The following CFAP263 variants were observed in gnomAD, a reference collection of about 807,000 sequenced individuals.
CFAP263 encodes cilia and flagella associated protein 263.
the CFAP263 span, chr16:58,280,589 G>A: frequency 2.5e-6 from 4 of 1,614,068 alleles, no homozygotes; most frequent in African/African-American, 1.3e-5. Flanking sequence ...AGTGAGGACA[G>A]GGGAGGGCCG....
chr16:58,269,310 G>T, the CFAP263 span, among the ~76,000 whole-genome samples: 6 of 151,686 alleles, frequency 4.0e-5, no homozygotes, highest in Admixed American at 6.6e-5. Flanking sequence ...CAGCCTCAGT[G>T]ACAGAGGGAG....
chr16:58,267,876 C>A, the CFAP263 span, among the ~76,000 whole-genome samples: 1 of 151,884 alleles, frequency 6.6e-6, no homozygotes, highest in Non-Finnish European at 1.5e-5. Context: ...CCATAAAGTA[C>A]AATATTCGAT....
chr16:58,263,615 G>C, the CFAP263 span, among the ~76,000 whole-genome samples: 12,984 of 152,212 alleles, frequency 0.085, 750 homozygotes, highest in East Asian at 0.13. Flanking sequence ...ATGTGAATAT[G>C]AATGTCTTTA....
At chr16:58,276,512 G>A in the CFAP263 span, among the ~76,000 whole-genome samples, 88,174 of 151,938 alleles carry the variant, frequency 0.58, 26,559 homozygotes, top group African/African-American at 0.73. Context: ...CAGTTGCATC[G>A]CTGCCCTCTA....
the CFAP263 span, chr16:58,258,415 AG>A: frequency 6.2e-6 from 10 of 1,614,054 alleles, no homozygotes; most frequent in Non-Finnish European, 8.5e-6. Context: ...TTTCGAGAGA[AG>A]TGCATGAGTT....
chr16:58,252,991 T>C, the CFAP263 span: 83 of 841,120 alleles, frequency 9.9e-5, 2 homozygotes, highest in South Asian at 1.3e-3. Flanking sequence ...TTGATTTTTC[T>C]TTGCCCTCTA....
At chr16:58,257,394 C>T in the CFAP263 span, among the ~76,000 whole-genome samples, 94 of 152,128 alleles carry the variant, frequency 6.2e-4, no homozygotes, top group East Asian at 0.015. Context: ...CATCTCTTTA[C>T]GTCAATACAT....
chr16:58,257,035 T>TTTTTTTTTTTA, the CFAP263 span, among the ~76,000 whole-genome samples: 1 of 81,286 alleles, frequency 1.2e-5, no homozygotes, highest in Admixed American at 1.4e-4. Flanking sequence ...TTTTTTTTTT[T>TTTTTTTTTTTA]GAGACGGAGT....
chr16:58,258,647 T>A, the CFAP263 span: 1 of 800,038 alleles, frequency 1.2e-6, no homozygotes, highest in Non-Finnish European at 2.0e-6. Context: ...ATATGCGGAT[T>A]TTCTTTGCAT....
the CFAP263 span, chr16:58,258,416 G>A: frequency 6.2e-7 from 1 of 1,614,068 alleles, no homozygotes; most frequent in Non-Finnish European, 8.5e-7. Flanking sequence ...TTCGAGAGAA[G>A]TGCATGAGTT....
At chr16:58,258,604 A>G in the CFAP263 span, 3 of 1,354,510 alleles carry the variant, frequency 2.2e-6, no homozygotes, top group Non-Finnish European at 3.1e-6. Flanking sequence ...GAAGCAGCCT[A>G]GCTCCCTTTG....
the CFAP263 span, among the ~76,000 whole-genome samples, chr16:58,277,127 T>A: frequency 3.9e-4 from 59 of 150,342 alleles, no homozygotes; most frequent in Middle Eastern, 6.8e-3. Context: ...AATGTTAAAA[T>A]TTTTTTTTAA....
the CFAP263 span, chr16:58,258,576 T>C: frequency 1.3e-6 from 2 of 1,554,020 alleles, no homozygotes; most frequent in African/African-American, 1.4e-5. Flanking sequence ...ACAGGGATGT[T>C]ATGGAAATCA....
At chr16:58,254,295 T>A in the CFAP263 span, 1 of 888,422 alleles carries the variant, frequency 1.1e-6, no homozygotes, top group Non-Finnish European at 1.7e-6. Flanking sequence ...ATCCAGGGCC[T>A]ATCTTCAAGG....
chr16:58,258,612 T>C, the CFAP263 span: 16 of 1,250,998 alleles, frequency 1.3e-5, no homozygotes, highest in East Asian at 3.3e-4. Context: ...CTAGCTCCCT[T>C]TGGTCCACCA....
At chr16:58,254,663 G>A in the CFAP263 span, among the ~76,000 whole-genome samples, 1 of 149,878 alleles carries the variant, frequency 6.7e-6, no homozygotes, top group African/African-American at 2.5e-5. Flanking sequence ...GGAGTGCAGT[G>A]GCGTGATCTC....
chr16:58,250,240 C>G, the CFAP263 span: 3 of 581,100 alleles, frequency 5.2e-6, no homozygotes, highest in South Asian at 6.2e-5. Flanking sequence ...GAGACTTTTC[C>G]TCTTTACTCC....
the CFAP263 span, chr16:58,258,552 G>C: frequency 6.3e-7 from 1 of 1,599,514 alleles, no homozygotes; most frequent in South Asian, 1.1e-5. Flanking sequence ...CTTAGAAAGG[G>C]AAAAAACATT....
chr16:58,255,273 C>T, the CFAP263 span, among the ~76,000 whole-genome samples: 21,963 of 152,122 alleles, frequency 0.14, 2,084 homozygotes, highest in East Asian at 0.33. Flanking sequence ...AAGCAATTGT[C>T]GGGCATGGGA....
Sources: allele counts gnomAD v4.1 joint callset (sites outside exome capture counted in the v4.1 genomes callset), GRCh38; gene constraint gnomAD v4.1.1; transcripts MANE v1.5; gene names NCBI Gene and HGNC (gene_info 2026-07-23, HGNC 2026-07-21).